SGIP1: variants seen among roughly 807,000 people sequenced by gnomAD.
The protein encoded by SGIP1 is SH3GL interacting endocytic adaptor 1.
In SGIP1, 38 loss-of-function variants were observed where a neutral mutation model predicts 107.5. The observed-to-expected ratio is 0.35, with a 90% CI of 0.27 to 0.46. The LOEUF (loss-of-function observed/expected upper bound fraction) is 0.46, where lower values mean the gene tolerates loss of function less well. Ranked by LOEUF, SGIP1 falls within the 20% of genes least tolerant of loss-of-function variation. SGIP1 has a pLI of 1.00. For missense variants in SGIP1, 929 were observed against 1,019.5 expected (o/e 0.91, Z 1.21); for synonymous variants, 365 against 366.1 (o/e 1.00, Z 0.03).
At chr1:66,550,718 A>G (rs2057278552) in intron 1 of SGIP1, among the ~76,000 whole-genome samples, 1 of 152,116 alleles carries the variant, frequency 6.6e-6, no homozygotes, top group South Asian at 2.1e-4. Flanking sequence ...ATTCACAACA[A>G]TTTCATAAGA....
rs757420611 is a variant in SGIP1 at position 66,643,612 on chromosome 1, A to G, written c.352A>G (p.Asn118Asp). 4.3e-6 allele frequency: 7 copies of G among 1,610,734 alleles called. No homozygotes were observed. The highest frequency in any genetic ancestry group is 5.1e-6 in the Non-Finnish European group (6 of 1,178,908). Residue 118 changes from asparagine (N) to aspartate (D), a missense_variant, in exon 7 of 25, where the codon AAT (asparagine) becomes GAT (aspartate). Transcript: ENST00000371037. ...AGAAGAAGAATCACATAAGAAATTT[A>G]ATATCAAGATTAAACCATTGCAATC... ...EEEEESHKKF[N>D]IKIKPLQSKD... is the part of the protein sequence containing the mutation.
intron 2 of SGIP1, among the ~76,000 whole-genome samples, chr1:66,626,295 G>T (rs1399307806): frequency 6.6e-6 from 1 of 151,950 alleles, no homozygotes; most frequent in Non-Finnish European, 1.5e-5. Flanking sequence ...CACCTGTTTG[G>T]ATAGATTAGA....
chr1:66,597,803 C>T (rs1356367966), intron 1 of SGIP1, among the ~76,000 whole-genome samples: 2 of 152,126 alleles, frequency 1.3e-5, no homozygotes, highest in African/African-American at 4.8e-5. Flanking sequence ...TACGCATTAA[C>T]GTTTTGTTTC....
At chr1:66,538,752 A>G (rs1277604451) in intron 1 of SGIP1, among the ~76,000 whole-genome samples, 1 of 152,190 alleles carries the variant, frequency 6.6e-6, no homozygotes, top group Non-Finnish European at 1.5e-5. Context: ...TAACATGCAA[A>G]TATTTGCCAT....
At chr1:66,626,699 C>T (rs898617350) in intron 2 of SGIP1, among the ~76,000 whole-genome samples, 1 of 152,206 alleles carries the variant, frequency 6.6e-6, no homozygotes, top group Admixed American at 6.5e-5. Flanking sequence ...GAACTTGAGA[C>T]TCCAGCCCAA....
chr1:66,540,904 C>T (rs1437384734), intron 1 of SGIP1, among the ~76,000 whole-genome samples: 3 of 152,194 alleles, frequency 2.0e-5, no homozygotes, highest in Non-Finnish European at 1.5e-5. Flanking sequence ...ACTTCCAGCT[C>T]TAACAGTCTC....
At chr1:66,591,690 G>T (rs192942215) in intron 1 of SGIP1, among the ~76,000 whole-genome samples, 2 of 152,164 alleles carry the variant, frequency 1.3e-5, no homozygotes, top group Non-Finnish European at 2.9e-5. Flanking sequence ...GGGGACTGGC[G>T]CTCAGCATAG....
At chr1:66,693,256 T>TAATTAATAAATAAATAAATA (rs1553159320) in intron 17 of SGIP1, among the ~76,000 whole-genome samples, 2 of 142,622 alleles carry the variant, frequency 1.4e-5, no homozygotes, top group African/African-American at 2.7e-5. Context: ...TTTTTAAAAA[T>TAATTAATAAATAAATAAATA]AATAAATAAA....
chr1:66,658,516 C>A (rs1488561000), intron 7 of SGIP1, among the ~76,000 whole-genome samples: 1 of 152,094 alleles, frequency 6.6e-6, no homozygotes, highest in Non-Finnish European at 1.5e-5. Context: ...TTTCAGACAA[C>A]AATTTATTTT....
At chr1:66,724,287 T>G (rs2093662346) in intron 19 of SGIP1, among the ~76,000 whole-genome samples, 1 of 152,330 alleles carries the variant, frequency 6.6e-6, no homozygotes, top group South Asian at 2.1e-4. Flanking sequence ...TTCACATGAT[T>G]TCTTATTTTA....
At chr1:66,541,006 A>G (rs766419832) in intron 1 of SGIP1, among the ~76,000 whole-genome samples, 14 of 152,194 alleles carry the variant, frequency 9.2e-5, no homozygotes, top group Non-Finnish European at 2.9e-5. Context: ...ACCTCAGAAT[A>G]TATTCATCCC....
intron 1 of SGIP1, among the ~76,000 whole-genome samples, chr1:66,542,418 T>G (rs2055195209): frequency 6.6e-6 from 1 of 152,184 alleles, no homozygotes; most frequent in African/African-American, 2.4e-5. Flanking sequence ...TTACAGTGCC[T>G]ACATGATGAG....
At chr1:66,641,888 T>C (rs1188666675) in intron 5 of SGIP1, among the ~76,000 whole-genome samples, 1 of 152,200 alleles carries the variant, frequency 6.6e-6, no homozygotes, top group East Asian at 1.9e-4. Context: ...TTTTCTCCTA[T>C]GGCTGACTGA....
chr1:66,593,464 T>C (rs533194184), intron 1 of SGIP1, among the ~76,000 whole-genome samples: 1 of 152,332 alleles, frequency 6.6e-6, no homozygotes, highest in South Asian at 2.1e-4. Flanking sequence ...TTCACATGGA[T>C]TGATGGTCAA....
chr1:66,568,951 C>A (rs755502597), intron 1 of SGIP1, among the ~76,000 whole-genome samples: 2 of 151,692 alleles, frequency 1.3e-5, no homozygotes, highest in Non-Finnish European at 1.5e-5. Flanking sequence ...ACAGACCTGG[C>A]CAGTCAGAAT....
At chr1:66,684,335 C>T in intron 15 of SGIP1, 2 of 1,231,222 alleles carry the variant, frequency 1.6e-6, no homozygotes, top group East Asian at 5.1e-5. Context: ...AAAGTCTTCT[C>T]TCAAAATGTA....
chr1:66,599,176 A>G (rs1296910338), intron 1 of SGIP1, among the ~76,000 whole-genome samples: 1 of 152,218 alleles, frequency 6.6e-6, no homozygotes, highest in Non-Finnish European at 1.5e-5. Context: ...CTCGAACCTA[A>G]CTACTTAATG....
Position 66,565,686 on chromosome 1 carries a change from G to A in SGIP1, c.10+31318G>A, listed in dbSNP as rs1427248369. Among the ~76,000 whole-genome samples, 3 of 151,982 alleles carry A rather than the reference G, an allele frequency of 2.0e-5. No individual in the cohort carries two copies. In the East Asian group the frequency reaches 5.8e-4, roughly 30 times the overall value. On this transcript the variant is annotated intron_variant, in intron 1 of 24. Coordinates refer to ENST00000371037, the MANE Select transcript of SGIP1 (RefSeq NM_032291.4). ...ATTTCCAGAAAAAGCTGGTCACGGT[G>A]GAATCCAAAAGCTAGAAGACTCTCG...
rs74359429 is a variant in SGIP1, at chr1:66,571,022, G to A, written c.10+36654G>A. Among the ~76,000 whole-genome samples the A allele has an allele frequency of 1.6e-3, 246 of 152,062 alleles. 2 individuals are homozygous for A. The highest frequency in any genetic ancestry group is 5.6e-3 in the African/African-American group (231 of 41,518). On this transcript the variant is annotated intron_variant, in intron 1 of 24. Transcript: ENST00000371037. ...GATAAATCTTAGTGTAACTGTGAGT[G>A]GGTCAACCAGATAAGTGCCTCCCAA...
Sources: allele counts gnomAD v4.1 joint callset (sites outside exome capture counted in the v4.1 genomes callset), GRCh38; gene constraint gnomAD v4.1.1; transcripts MANE v1.5; gene names NCBI Gene and HGNC (gene_info 2026-07-23, HGNC 2026-07-21).